Variants in BLOC1S5 observed in about 807,000 individuals in gnomAD.
The protein encoded by BLOC1S5 is biogenesis of lysosomal organelles complex 1 subunit 5, also known as biogenesis of lysosome-related organelles complex 1 subunit 5.
In BLOC1S5, 27 loss-of-function variants were observed where a neutral mutation model predicts 24.3. The observed-to-expected ratio is 1.11, with a 90% CI of 0.82 to 1.53. The LOEUF is 1.53. Among genes scored for constraint, BLOC1S5 ranks in the 40% most tolerant of loss-of-function variants. BLOC1S5 has a pLI of 0.00. For synonymous variants in BLOC1S5, 84 were observed against 74.5 expected (o/e 1.13, Z -0.66); for missense variants, 239 against 229.4 (o/e 1.04, Z -0.27).
chr6:8,019,613 G>A (rs1341267923), intron 4 of BLOC1S5, among the ~76,000 whole-genome samples: 1 of 151,774 alleles, frequency 6.6e-6, no homozygotes, highest in Non-Finnish European at 1.5e-5. Context: ...AAAAAGGGGG[G>A]GGGGGCGCCT....
chr6:8,016,338 A>T (rs933758503), intron 4 of BLOC1S5, among the ~76,000 whole-genome samples: 9 of 151,542 alleles, frequency 5.9e-5, no homozygotes, highest in Non-Finnish European at 1.3e-4. Flanking sequence ...AAAAAAAAAA[A>T]TTTTTTTTAA....
chr6:8,050,842 T>C (rs1764083844), intron 2 of BLOC1S5, among the ~76,000 whole-genome samples: 1 of 151,672 alleles, frequency 6.6e-6, no homozygotes, highest in African/African-American at 2.4e-5. Context: ...TGACTTCAGG[T>C]GATCTGCCCG....
At position 8,015,738 on chromosome 6, in the gene BLOC1S5, C is replaced by T. The variant is rs1762710871; in HGVS notation, c.475G>A (p.Val159Met). The change falls in exon 5 of 5, where the codon GTG becomes ATG. Residue 159 changes from valine to methionine, a missense_variant. Coordinates refer to ENST00000397457, the MANE Select transcript of BLOC1S5 (RefSeq NM_201280.3). ...MKEQPNKRAEVDEEHRKAMER... is the reference protein window; with the variant it reads ...MKEQPNKRAEMDEEHRKAMER... ...ATGGCTTTTCTGTGCTCTTCATCCACTTCAGCCCTTTTGTTGGGTTGCTCC... is the reference window on the plus strand; with the variant it reads ...ATGGCTTTTCTGTGCTCTTCATCCATTTCAGCCCTTTTGTTGGGTTGCTCC... 1 of 1,614,182 alleles carries T rather than the reference C, an allele frequency of 6.2e-7. No homozygotes were observed. The highest frequency in any genetic ancestry group is 1.3e-5 in the African/African-American group (1 of 75,050).
intron 4 of BLOC1S5, among the ~76,000 whole-genome samples, chr6:8,024,357 C>T (rs1408600362): frequency 6.6e-6 from 1 of 151,572 alleles, no homozygotes; most frequent in Non-Finnish European, 1.5e-5. Flanking sequence ...AAATCCCTGT[C>T]TCTACTAAAA....
At chr6:8,023,363 T>C (rs760111501) in intron 4 of BLOC1S5, among the ~76,000 whole-genome samples, 5 of 152,178 alleles carry the variant, frequency 3.3e-5, no homozygotes, top group African/African-American at 7.2e-5. Context: ...ACAAATTGTC[T>C]TGACATAAAA....
chr6:8,032,506 T>C (rs6926621), intron 3 of BLOC1S5, among the ~76,000 whole-genome samples: 5,944 of 152,086 alleles, frequency 0.039, 369 homozygotes, highest in African/African-American at 0.13. Flanking sequence ...TATGACAAAC[T>C]CACAGCCAGT....
intron 3 of BLOC1S5, among the ~76,000 whole-genome samples, chr6:8,040,407 A>G (rs1763636879): frequency 6.6e-6 from 1 of 152,248 alleles, no homozygotes; most frequent in African/African-American, 2.4e-5. Context: ...AGAATGAAGT[A>G]AAATCACACA....
chr6:8,015,865 C>T, intron 4 of BLOC1S5, 37 bp from the exon 5 acceptor site: 1 of 1,549,912 alleles, frequency 6.5e-7, no homozygotes, highest in East Asian at 2.3e-5. Flanking sequence ...ACGACATTTT[C>T]CAGACAATTA....
chr6:8,022,271 T>G (rs1581395481), intron 4 of BLOC1S5, among the ~76,000 whole-genome samples: 1 of 149,468 alleles, frequency 6.7e-6, no homozygotes, highest in South Asian at 2.2e-4. Context: ...AGGATGCTGC[T>G]AAACATCCTG....
intron 2 of BLOC1S5, among the ~76,000 whole-genome samples, chr6:8,048,762 C>A (rs1005941995): frequency 1.2e-4 from 19 of 152,122 alleles, no homozygotes; most frequent in Non-Finnish European, 2.4e-4. Flanking sequence ...CCTGTAATCC[C>A]AGCACTTTGG....
chr6:8,024,321 T>C (rs1377294072), intron 4 of BLOC1S5, among the ~76,000 whole-genome samples: 1 of 150,698 alleles, frequency 6.6e-6, no homozygotes, highest in Non-Finnish European at 1.5e-5. Context: ...AGGTCAGGAG[T>C]TCGAGACCAG....
At chr6:8,045,942 C>A (rs934018365) in intron 2 of BLOC1S5, among the ~76,000 whole-genome samples, 1 of 152,080 alleles carries the variant, frequency 6.6e-6, no homozygotes, top group African/African-American at 2.4e-5. Context: ...TGAGTTAAGA[C>A]TTTGGGGGAC....
intron 1 of BLOC1S5, among the ~76,000 whole-genome samples, chr6:8,063,785 C>T (rs1016248228): frequency 6.6e-6 from 1 of 152,158 alleles, no homozygotes; most frequent in Non-Finnish European, 1.5e-5. Context: ...CATTTCTGAA[C>T]GTGAATGGTT....
At chr6:8,040,089 T>C (rs1763626727) in intron 3 of BLOC1S5, among the ~76,000 whole-genome samples, 1 of 152,146 alleles carries the variant, frequency 6.6e-6, no homozygotes, top group African/African-American at 2.4e-5. Context: ...AAGGCAGACT[T>C]TTCTTACTAC....
At chr6:8,064,045 G>C (rs1411961139) in intron 1 of BLOC1S5, among the ~76,000 whole-genome samples, 1 of 152,096 alleles carries the variant, frequency 6.6e-6, no homozygotes, top group Non-Finnish European at 1.5e-5. Context: ...CTCAGGCTGC[G>C]ACAGAGGAAA....
chr6:8,048,599 C>T (rs978203241), intron 2 of BLOC1S5, among the ~76,000 whole-genome samples: 6 of 151,892 alleles, frequency 4.0e-5, no homozygotes, highest in Non-Finnish European at 8.8e-5. Flanking sequence ...GTCATAATAC[C>T]AATACTAGCA....
At chr6:8,044,283 C>CAAAAAAAA (rs1175141654) in intron 2 of BLOC1S5, among the ~76,000 whole-genome samples, 1 of 89,000 alleles carries the variant, frequency 1.1e-5, no homozygotes, top group South Asian at 4.5e-4. Context: ...GACTCTGTCT[C>CAAAAAAAA]AAAAAAAAAA....
chr6:8,026,496 T>A, intron 3 of BLOC1S5, 71 bp from the exon 4 acceptor site: 1 of 1,224,690 alleles, frequency 8.2e-7, no homozygotes. Flanking sequence ...GGGGGAGGAG[T>A]GTGTGTGGAG....
chr6:8,045,397 G>A (rs1581421895), intron 2 of BLOC1S5, among the ~76,000 whole-genome samples: 3 of 152,304 alleles, frequency 2.0e-5, no homozygotes, highest in East Asian at 3.9e-4. Context: ...CCTCTGCTAG[G>A]GCAGTGCAGA....
Sources: allele counts gnomAD v4.1 joint callset (sites outside exome capture counted in the v4.1 genomes callset), GRCh38; gene constraint gnomAD v4.1.1; transcripts MANE v1.5; gene names NCBI Gene and HGNC (gene_info 2026-07-23, HGNC 2026-07-21).